The following TMEM242 variants were observed in gnomAD, a reference collection of about 807,000 sequenced individuals.
TMEM242 encodes the protein transmembrane protein 242, also known as UPF0463 transmembrane protein C6orf35.
Under a neutral mutation model 18.2 loss-of-function variants are expected in TMEM242, and 10 were observed. The observed-to-expected ratio is 0.55, with a 90% confidence interval of 0.34 to 0.93. TMEM242 has a LOEUF of 0.93. Ranked by LOEUF, TMEM242 falls within the 40% of genes least tolerant of loss-of-function variation. The probability of loss-of-function intolerance (pLI) is 0.02; values close to 1 mark genes in which losing one functional copy is unlikely to be tolerated. For synonymous variants in TMEM242, 57 were observed against 69.9 expected (o/e 0.81, Z 0.92); for missense variants, 186 against 175.5 (o/e 1.06, Z -0.34).
At chr6:157,293,124 A>C in intron 3 of TMEM242, 125 bp from the exon 4 acceptor site, 1 of 641,462 alleles carries the variant, frequency 1.6e-6, no homozygotes, top group African/African-American at 1.8e-5. Context: ...AGGAACATCA[A>C]TAAAAGATAG....
At chr6:157,296,777 C>T (rs1777755651) in intron 3 of TMEM242, among the ~76,000 whole-genome samples, 1 of 152,134 alleles carries the variant, frequency 6.6e-6, no homozygotes, top group South Asian at 2.1e-4. Context: ...TATTACTCCC[C>T]AGTGCCGTGG....
At chr6:157,297,889 CTAT>C (rs1281114987) in intron 3 of TMEM242, among the ~76,000 whole-genome samples, 11 of 152,166 alleles carry the variant, frequency 7.2e-5, no homozygotes, top group Non-Finnish European at 1.6e-4. Flanking sequence ...GCTACTAATC[CTAT>C]TATTTAGATA....
Position 157,292,920 on chromosome 6 carries a change from T to A in TMEM242, c.407A>T (p.Glu136Val). ...CTCATCTCATTTGGATTTCAATGTT[T>A]CCTCCCACTCAACAGCCGATTCGGA... The part of the protein sequence containing the change: ...KNSESAVEWE[E>V]TLKSK The change falls in exon 4 of 4, where the codon GAA (glutamate) becomes GTA (valine). Residue 136 changes from glutamate to valine, a missense_variant. Transcript: ENST00000400788. 1 of 1,613,370 alleles carries A rather than the reference T, an allele frequency of 6.2e-7. No homozygotes were observed. Among genetic ancestry groups the A allele is most frequent in the Non-Finnish European group, 8.5e-7 (1 of 1,179,390 alleles).
At chr6:157,315,969 A>G (rs1266623446) in intron 3 of TMEM242, among the ~76,000 whole-genome samples, 2 of 152,258 alleles carry the variant, frequency 1.3e-5, no homozygotes, top group Non-Finnish European at 2.9e-5. Context: ...ATTCTAGCAC[A>G]GTTGGATTAT....
chr6:157,298,694 G>A (rs1272101767), intron 3 of TMEM242, among the ~76,000 whole-genome samples: 11 of 152,166 alleles, frequency 7.2e-5, no homozygotes, highest in African/African-American at 2.7e-4. Flanking sequence ...ATGAACATAG[G>A]TATAAGCCAG....
rs587613868 is a variant in TMEM242, at chr6:157,300,537, G to A, written c.328-7538C>T. 1.0e-3 allele frequency among the ~76,000 whole-genome samples: 155 copies of A among 152,364 alleles called. 1 individual carries two copies. The highest frequency in any genetic ancestry group is 3.1e-3 in the African/African-American group (131 of 41,592). On this transcript the variant is annotated intron_variant, in intron 3 of 3. Transcript: ENST00000400788. The stretch of plus-strand genomic sequence containing the variant: ...AACGGTGACCCTGCCGGGAAGGATA[G>A]GGCGCTGTGCTTTGCATACGGGTGG...
intron 3 of TMEM242, among the ~76,000 whole-genome samples, chr6:157,313,079 C>A (rs1554249602): frequency 1.5e-5 from 2 of 129,036 alleles, no homozygotes; most frequent in Non-Finnish European, 3.4e-5. Context: ...TCCCAGTATG[C>A]ACTCACCTGG....
intron 3 of TMEM242, among the ~76,000 whole-genome samples, chr6:157,296,715 T>C (rs1458409308): frequency 1.3e-5 from 2 of 151,954 alleles, no homozygotes; most frequent in Non-Finnish European, 2.9e-5. Context: ...AACCAAGACA[T>C]GAATGGTACT....
chr6:157,302,710 G>A (rs1777847071), intron 3 of TMEM242, among the ~76,000 whole-genome samples: 2 of 152,216 alleles, frequency 1.3e-5, no homozygotes, highest in Non-Finnish European at 1.5e-5. Flanking sequence ...AGTATAGCTA[G>A]ACAGCTCCCT....
At chr6:157,312,915 C>T (rs587658245) in intron 3 of TMEM242, among the ~76,000 whole-genome samples, 7 of 121,986 alleles carry the variant, frequency 5.7e-5, no homozygotes, top group Non-Finnish European at 7.2e-5. Context: ...TGTGCGCTCA[C>T]CCGGCATCAT....
At chr6:157,306,603 T>C (rs890183929) in intron 3 of TMEM242, among the ~76,000 whole-genome samples, 11 of 152,036 alleles carry the variant, frequency 7.2e-5, no homozygotes, top group African/African-American at 2.7e-4. Context: ...CCCATGAGCC[T>C]AGAGCTCAGG....
At chr6:157,300,449 A>C (rs1777814787) in intron 3 of TMEM242, among the ~76,000 whole-genome samples, 1 of 152,270 alleles carries the variant, frequency 6.6e-6, no homozygotes, top group African/African-American at 2.4e-5. Context: ...TTCTATTTTT[A>C]GTATGAATGC....
chr6:157,303,658 T>G (rs2128413494), intron 3 of TMEM242, among the ~76,000 whole-genome samples: 2 of 152,246 alleles, frequency 1.3e-5, no homozygotes, highest in South Asian at 4.1e-4. Context: ...AGGGATAAAA[T>G]GAAAGCAGTG....
rs868941397 is a variant in TMEM242 at position 157,314,149 on chromosome 6, A to T, written c.327+4633T>A. ...GTGTGCGCTCACCCGGCCTCATCATAGTGTCCCTGTGTGCGCTCACCCGGC... is the reference window on the plus strand; with the variant it reads ...GTGTGCGCTCACCCGGCCTCATCATTGTGTCCCTGTGTGCGCTCACCCGGC... On this transcript the variant is annotated intron_variant, in intron 3 of 3. Coordinates refer to ENST00000400788, the MANE Select transcript of TMEM242 (RefSeq NM_018452.6). Among the ~76,000 whole-genome samples the T allele has an allele frequency of 3.6e-3, 548 of 150,680 alleles. 3 individuals are homozygous for T. The highest frequency in any genetic ancestry group is 7.0e-3 in the Middle Eastern group (2 of 284).
chr6:157,313,118 ACCCG>A (rs1778245699), intron 3 of TMEM242, among the ~76,000 whole-genome samples: 1 of 146,630 alleles, frequency 6.8e-6, no homozygotes. Context: ...GTGTGTGCTC[ACCCG>A]GCCTCATCAT....
chr6:157,293,988 TGA>T (rs782390775), intron 3 of TMEM242, among the ~76,000 whole-genome samples: 4 of 152,150 alleles, frequency 2.6e-5, no homozygotes, highest in Admixed American at 6.5e-5. Context: ...CCCAAAGTGC[TGA>T]GATCACAGGC....
At chr6:157,311,232 C>CCCAGTGTGCGCTCACCTAGCCTCATG (rs1562382775) in intron 3 of TMEM242, among the ~76,000 whole-genome samples, 2 of 113,658 alleles carry the variant, frequency 1.8e-5, no homozygotes, top group Non-Finnish European at 3.9e-5. Flanking sequence ...CTAGCCTCAT[C>CCCAGTGTGCGCTCACCTAGCCTCATG]ATAGTGTCCC....
intron 2 of TMEM242, among the ~76,000 whole-genome samples, chr6:157,321,776 G>A (rs1199704293): frequency 1.4e-5 from 2 of 143,482 alleles, no homozygotes; most frequent in Non-Finnish European, 3.1e-5. Context: ...AGTGAGCCAA[G>A]GATTAACATA....
In TMEM242 at chr6:157,289,815, C is replaced by T. The variant is rs1208621801; in HGVS notation, c.*3086G>A. On this transcript the variant is annotated 3_prime_UTR_variant, in exon 4 of 4. Transcript: ENST00000400788. ...TGTGACAGCCCAGGTGATTCGATGC[C>T]ACCTTTTGACTAAGCAGGCAAAGTG... is the stretch of plus-strand genomic sequence containing the variant. 1.3e-5 allele frequency: 2 copies of T among 152,100 alleles called. No homozygotes were observed. Among genetic ancestry groups the T allele is most frequent in the African/African-American group, 4.8e-5 (2 of 41,408 alleles). 9.4% of individuals were successfully genotyped at this position (152,100 alleles called of 1,614,324 possible).
Sources: allele counts gnomAD v4.1 joint callset (sites outside exome capture counted in the v4.1 genomes callset), GRCh38; gene constraint gnomAD v4.1.1; transcripts MANE v1.5; gene names NCBI Gene and HGNC (gene_info 2026-07-23, HGNC 2026-07-21).